Variants in ADARB1 observed in about 807,000 individuals in gnomAD.
The protein encoded by ADARB1 is adenosine deaminase RNA specific B1.
Under a neutral mutation model 52.4 loss-of-function variants are expected in ADARB1, and 10 were observed. The observed-to-expected ratio is 0.19, with a 90% CI of 0.12 to 0.32. The LOEUF (loss-of-function observed/expected upper bound fraction) is 0.32. ADARB1 is among the 10% of genes least tolerant of loss of function. The probability of loss-of-function intolerance (pLI) is 1.00; values close to 1 mark genes in which losing one functional copy is unlikely to be tolerated. For missense variants in ADARB1, 643 were observed against 922.3 expected (o/e 0.70, Z 3.92); for synonymous variants, 349 against 371.1 (o/e 0.94, Z 0.68).
intron 1 of ADARB1, among the ~76,000 whole-genome samples, chr21:45,077,516 A>C (rs1354543412): frequency 1.3e-5 from 2 of 151,970 alleles, no homozygotes; most frequent in African/African-American, 2.4e-5. Flanking sequence ...AAATATAAAA[A>C]ATCAGCCGGG....
intron 8 of ADARB1, among the ~76,000 whole-genome samples, chr21:45,196,178 C>T (rs1013339289): frequency 4.6e-5 from 7 of 151,660 alleles, no homozygotes; most frequent in Middle Eastern, 3.4e-3. Context: ...TTTTAATTTC[C>T]AATTCTGCTG....
At chr21:45,095,721 G>A (rs917121291) in intron 1 of ADARB1, among the ~76,000 whole-genome samples, 17 of 152,170 alleles carry the variant, frequency 1.1e-4, no homozygotes, top group African/African-American at 3.1e-4. Flanking sequence ...TCAGGAAAGC[G>A]ATAAGGAGTT....
chr21:45,214,057 A>C (rs191804649), intron 9 of ADARB1, among the ~76,000 whole-genome samples: 3 of 152,344 alleles, frequency 2.0e-5, no homozygotes, highest in Admixed American at 2.0e-4. Context: ...GGCACGCAGT[A>C]CGAGCGGTTG....
intron 1 of ADARB1, among the ~76,000 whole-genome samples, chr21:45,097,780 G>A (rs1447215319): frequency 6.6e-6 from 1 of 152,092 alleles, no homozygotes; most frequent in Non-Finnish European, 1.5e-5. Flanking sequence ...GAGGCCATTG[G>A]GTGGAAGCAA....
chr21:45,178,538 G>A (rs1036100023), intron 4 of ADARB1, among the ~76,000 whole-genome samples: 3 of 152,188 alleles, frequency 2.0e-5, no homozygotes, highest in East Asian at 3.9e-4. Context: ...TGTAGGACCC[G>A]GGTGGCCCTC....
rs542878811 is a variant in ADARB1, at chr21:45,204,805, G to A, written c.1747+69G>A. The A allele has an allele frequency of 5.0e-5, 75 of 1,512,046 alleles. No homozygotes were observed. In the South Asian group the frequency reaches 8.1e-4, roughly 16 times the overall value. 93.7% of individuals were successfully genotyped at this position (1,512,046 alleles called of 1,614,324 possible). ...TTGCAATGTTTTCATCCTCATGAAT[G>A]AAAAAAACACCACCTGAGCTGCTCT... On this transcript the variant is annotated intron_variant, in intron 9 of 10. Coordinates refer to ENST00000348831, the MANE Select transcript of ADARB1 (RefSeq NM_001112.4). The surrounding 1 kb of genome is among the most constrained non-coding windows in gnomAD (Gnocchi z 4.4).
chr21:45,222,425 ATC>A lies in ADARB1; in HGVS notation c.*234_*235del, dbSNP rs2092983149. ...TCAGGGCCCAGCATCGCCGCCTGGCATCTCTCTGCCGCAGCATTTCCCCTTCT... is the reference window on the plus strand; with the variant it reads ...TCAGGGCCCAGCATCGCCGCCTGGCATCTCTGCCGCAGCATTTCCCCTTCT... On this transcript the variant is annotated 3_prime_UTR_variant, in exon 11 of 11. Transcript: ENST00000348831. 6 of 1,289,926 alleles carry A rather than the reference ATC, an allele frequency of 4.7e-6. No individual in the cohort carries two copies. Among genetic ancestry groups the A allele is most frequent in the Middle Eastern group, 2.9e-4 (1 of 3,484 alleles). The allele number at this position is 1,289,926 out of a possible 1,614,324, so 79.9% of individuals were successfully genotyped here. A position where few individuals can be genotyped will look rare whatever the true frequency, so the allele number is the denominator to read the frequency against.
At chr21:45,129,782 G>T (rs954812133) in intron 2 of ADARB1, among the ~76,000 whole-genome samples, 3 of 152,198 alleles carry the variant, frequency 2.0e-5, no homozygotes, top group African/African-American at 7.2e-5. Flanking sequence ...GGGAGCCTAG[G>T]GGGGACGCCG....
chr21:45,208,618 A>ATGTG lies in ADARB1; in HGVS notation c.1747+3885_1747+3888dup, dbSNP rs1004375599. ...GAGAGTGTGGAAAGTGTGTGTGTGT[A>ATGTG]TGTGTGCGTGTGTGTGTGTGTGAGT... On this transcript the variant is annotated intron_variant, in intron 9 of 10. Transcript: ENST00000348831. This position sits in a 1 kb window ranked among gnomAD's most constrained non-coding sequence, Gnocchi z 5.6. Among the ~76,000 whole-genome samples the ATGTG allele has an allele frequency of 2.7e-5, 4 of 150,522 alleles. No individual in the cohort carries two copies. Among genetic ancestry groups the ATGTG allele is most frequent in the African/African-American group, 9.8e-5 (4 of 40,812 alleles).
intron 2 of ADARB1, among the ~76,000 whole-genome samples, chr21:45,138,323 C>T (rs1368346286): frequency 6.6e-6 from 1 of 152,228 alleles, no homozygotes; most frequent in Non-Finnish European, 1.5e-5. Context: ...AAGGTCACAG[C>T]ATGACTCACA....
intron 1 of ADARB1, among the ~76,000 whole-genome samples, chr21:45,108,041 G>GC (rs2087338058): frequency 6.6e-6 from 1 of 152,148 alleles, no homozygotes; most frequent in South Asian, 2.1e-4. Flanking sequence ...CGGTGACAGA[G>GC]CGAGACCCTG....
At chr21:45,214,689 A>G (rs1454429738) in intron 9 of ADARB1, among the ~76,000 whole-genome samples, 3 of 152,206 alleles carry the variant, frequency 2.0e-5, no homozygotes, top group Non-Finnish European at 4.4e-5. Context: ...GCTGGCATGT[A>G]TATATACATG....
rs527566500 is a variant in ADARB1, at chr21:45,076,763, A to G, written c.-220+1970A>G. ...AGATTTTTGGAATAAGAATTTTTTT[A>G]ACTTCTATTTGTCCAGTGAATGCAT... is the stretch of plus-strand genomic sequence containing the variant. On this transcript the variant is annotated intron_variant, in intron 1 of 10. Transcript: ENST00000348831. Among the ~76,000 whole-genome samples the G allele has an allele frequency of 2.2e-4, 34 of 152,346 alleles. No homozygotes were observed. The South Asian group carries it at 5.6e-3, about 25-fold the overall frequency.
At position 45,218,459 on chromosome 21, in the gene ADARB1, A is replaced by T. The variant is rs545330025; in HGVS notation, c.1748-2377A>T. Among the ~76,000 whole-genome samples the T allele has an allele frequency of 1.1e-4, 16 of 152,262 alleles. No individual in the cohort carries two copies. The South Asian group carries it at 3.1e-3, about 30-fold the overall frequency. On this transcript the variant is annotated intron_variant, in intron 9 of 10. Coordinates refer to ENST00000348831, the MANE Select transcript of ADARB1 (RefSeq NM_001112.4). The stretch of plus-strand genomic sequence containing the variant: ...TCAGGCACTTTTCCATTCTCTCAGG[A>T]GGCTGTTTCCCAGCCTTGATTGAGT...
At chr21:45,074,985 C>G (rs1483098119) in intron 1 of ADARB1, among the ~76,000 whole-genome samples, 192 bp downstream of exon 1, 8 of 151,148 alleles carry the variant, frequency 5.3e-5, no homozygotes, top group Non-Finnish European at 1.2e-4. Context: ...CTGGGTCGCC[C>G]GTCTGCTCCG....
intron 2 of ADARB1, among the ~76,000 whole-genome samples, chr21:45,135,367 C>T (rs959083826): frequency 5.3e-5 from 8 of 152,250 alleles, no homozygotes; most frequent in African/African-American, 1.4e-4. Flanking sequence ...TGTCTGCATC[C>T]TCCTGGCACC....
At chr21:45,159,813 G>A (rs113066297) in intron 2 of ADARB1, among the ~76,000 whole-genome samples, 25 of 152,318 alleles carry the variant, frequency 1.6e-4, no homozygotes, top group African/African-American at 5.3e-4. Context: ...AGGCCTGGCC[G>A]TGTTGGCTTC....
At chr21:45,141,018 T>C (rs1331078660) in intron 2 of ADARB1, among the ~76,000 whole-genome samples, 1 of 152,074 alleles carries the variant, frequency 6.6e-6, no homozygotes, top group Non-Finnish European at 1.5e-5. Context: ...GGTGAACCCC[T>C]GTCTGTACAA....
rs1210924947 is a variant in ADARB1 at position 45,221,064 on chromosome 21, TTGTC to T, written c.1926+55_1926+58del. The T allele has an allele frequency of 1.3e-6, 2 of 1,544,698 alleles. No homozygotes were observed. The highest frequency in any genetic ancestry group is 1.8e-6 in the Non-Finnish European group (2 of 1,141,982). ...GCGCCGGCTCCACCTCCCCAATAGCTTGTCTGTCCTCACACCTACTGTTCCTTAA... is the reference window on the plus strand; with the variant it reads ...GCGCCGGCTCCACCTCCCCAATAGCTTGTCCTCACACCTACTGTTCCTTAA... On this transcript the variant is annotated intron_variant, in intron 10 of 10. Coordinates refer to ENST00000348831, the MANE Select transcript of ADARB1 (RefSeq NM_001112.4). This position sits in a 1 kb window ranked among gnomAD's most constrained non-coding sequence, Gnocchi z 4.9.
Sources: allele counts gnomAD v4.1 joint callset (sites outside exome capture counted in the v4.1 genomes callset), GRCh38; gene constraint gnomAD v4.1.1; non-coding constraint Gnocchi (gnomAD v3.1); transcripts MANE v1.5; gene names NCBI Gene and HGNC (gene_info 2026-07-23, HGNC 2026-07-21).